The following VSTM4 variants were observed in gnomAD, a reference collection of about 807,000 sequenced individuals.
The protein encoded by VSTM4 is V-set and transmembrane domain containing 4.
VSTM4 carries 20 observed loss-of-function variants against 36.4 expected under a neutral mutation model. The ratio of observed to expected loss-of-function variants is 0.55; its 90% CI spans 0.39 to 0.80. The LOEUF is 0.80. VSTM4 is among the 30% of genes least tolerant of loss of function. The pLI is 0.00. For missense variants in VSTM4, 392 were observed against 404.5 expected (o/e 0.97, Z 0.26); for synonymous variants, 182 against 173.9 (o/e 1.05, Z -0.37).
At chr10:49,047,144 C>A in intron 6 of VSTM4, 100 bp from the exon 7 acceptor site, 1 of 1,206,664 alleles carries the variant, frequency 8.3e-7, no homozygotes, top group Non-Finnish European at 1.2e-6. Flanking sequence ...GGTCTCATAC[C>A]CCTTCCTGGT....
At chr10:49,094,087 A>T (rs1451452662) in intron 2 of VSTM4, among the ~76,000 whole-genome samples, 1 of 152,174 alleles carries the variant, frequency 6.6e-6, no homozygotes, top group Non-Finnish European at 1.5e-5. Flanking sequence ...TGAACGTGAT[A>T]CAGTGGGGTA....
intron 7 of VSTM4, among the ~76,000 whole-genome samples, chr10:49,037,824 A>T (rs745779545): frequency 2.0e-5 from 3 of 152,204 alleles, no homozygotes; most frequent in Admixed American, 6.5e-5. Flanking sequence ...TTCTCCAAAG[A>T]TAGACAAATG....
intron 6 of VSTM4, 55 bp downstream of exon 6, chr10:49,048,423 C>A: frequency 6.7e-7 from 1 of 1,484,768 alleles, no homozygotes; most frequent in Non-Finnish European, 9.1e-7. Flanking sequence ...ACCCCAGACC[C>A]ACAGGGATCA....
chr10:49,100,749 T>C (rs1844651719), intron 2 of VSTM4, among the ~76,000 whole-genome samples: 1 of 152,094 alleles, frequency 6.6e-6, no homozygotes, highest in Non-Finnish European at 1.5e-5. Flanking sequence ...GGTAAGTGGA[T>C]CCTCAAGAGC....
chr10:49,049,265 A>G (rs1187547928), intron 5 of VSTM4, among the ~76,000 whole-genome samples: 5 of 152,226 alleles, frequency 3.3e-5, no homozygotes, highest in East Asian at 1.9e-4. Context: ...TGTGTTAGCC[A>G]TAAGCCAAAG....
At chr10:49,077,469 C>A in intron 3 of VSTM4, 143 bp from the exon 4 acceptor site, 1 of 711,154 alleles carries the variant, frequency 1.4e-6, no homozygotes, top group East Asian at 2.7e-5. Context: ...CAAGGACAGA[C>A]ACAGATCAAT....
intron 7 of VSTM4, among the ~76,000 whole-genome samples, chr10:49,035,103 C>A (rs1183649432): frequency 6.6e-6 from 1 of 152,028 alleles, no homozygotes; most frequent in Non-Finnish European, 1.5e-5. Context: ...ACACCTGGGA[C>A]CAGGGTGGAC....
At chr10:49,080,269 T>G (rs1844255459) in intron 3 of VSTM4, among the ~76,000 whole-genome samples, 1 of 152,130 alleles carries the variant, frequency 6.6e-6, no homozygotes, top group Admixed American at 6.5e-5. Flanking sequence ...CTACTGGGAG[T>G]AGCAGGTGGC....
intron 4 of VSTM4, among the ~76,000 whole-genome samples, chr10:49,070,252 C>CAAAAAAAAA (rs780515012): frequency 4.6e-5 from 1 of 21,724 alleles, no homozygotes; most frequent in Non-Finnish European, 8.1e-5. Context: ...GACTCCGTCT[C>CAAAAAAAAA]AAAAAAAAAA....
intron 5 of VSTM4, among the ~76,000 whole-genome samples, chr10:49,061,257 T>C (rs1352457600): frequency 2.0e-5 from 3 of 152,214 alleles, no homozygotes; most frequent in Non-Finnish European, 4.4e-5. Context: ...TTCTCTATTA[T>C]TTCAATTATT....
At chr10:49,113,992 A>G (rs1844944465) in intron 1 of VSTM4, among the ~76,000 whole-genome samples, 1 of 152,054 alleles carries the variant, frequency 6.6e-6, no homozygotes, top group Non-Finnish European at 1.5e-5. Flanking sequence ...GCAAAAGACA[A>G]TCTCTGGGAC....
At chr10:49,101,013 A>G (rs2132018175) in intron 2 of VSTM4, among the ~76,000 whole-genome samples, 1 of 152,184 alleles carries the variant, frequency 6.6e-6, no homozygotes, top group Admixed American at 6.5e-5. Flanking sequence ...TACCTTATAT[A>G]AAAAAACAGA....
chr10:49,089,967 A>G (rs1022473414), intron 2 of VSTM4, among the ~76,000 whole-genome samples: 2 of 152,236 alleles, frequency 1.3e-5, no homozygotes, highest in Non-Finnish European at 2.9e-5. Flanking sequence ...TCCTCAGCAC[A>G]GCTGTGAGCA....
At chr10:49,092,753 T>C (rs1844498433) in intron 2 of VSTM4, among the ~76,000 whole-genome samples, 1 of 152,020 alleles carries the variant, frequency 6.6e-6, no homozygotes, top group Non-Finnish European at 1.5e-5. Flanking sequence ...GTTGAGAACC[T>C]AGCAAGGCAG....
intron 7 of VSTM4, among the ~76,000 whole-genome samples, chr10:49,026,453 C>T (rs1484162183): frequency 6.6e-6 from 1 of 152,180 alleles, no homozygotes; most frequent in Non-Finnish European, 1.5e-5. Flanking sequence ...TGGACTATGC[C>T]CAGATATCTT....
At chr10:49,021,667 A>G (rs1843183955) in intron 7 of VSTM4, among the ~76,000 whole-genome samples, 1 of 151,976 alleles carries the variant, frequency 6.6e-6, no homozygotes, top group Non-Finnish European at 1.5e-5. Flanking sequence ...CTTAGACATC[A>G]TTTATTTGTC....
chr10:49,038,653 G>A (rs755412524), intron 7 of VSTM4, among the ~76,000 whole-genome samples: 11 of 152,158 alleles, frequency 7.2e-5, no homozygotes, highest in Non-Finnish European at 1.3e-4. Context: ...GGGCTAAGGC[G>A]GGATATCCCA....
At position 49,019,301 on chromosome 10, in the gene VSTM4, T is replaced by C; in HGVS notation, c.*349A>G. On this transcript the variant is annotated 3_prime_UTR_variant, in exon 8 of 8. Coordinates refer to ENST00000332853, the MANE Select transcript of VSTM4 (RefSeq NM_001031746.5). ...ATACAGGAAGAGTAGAGAGTAAAAT[T>C]AAGATTTAAAAACGATTTTAAAGAA... 1 of 167,522 alleles carries C rather than the reference T, an allele frequency of 6.0e-6. No homozygotes were observed. Among genetic ancestry groups the C allele is most frequent in the Non-Finnish European group, 1.3e-5 (1 of 78,684 alleles). The allele number at this position is 167,522 out of a possible 1,614,324, so 10.4% of individuals were successfully genotyped here. A position where few individuals can be genotyped will look rare whatever the true frequency, so the allele number is the denominator to read the frequency against.
chr10:49,028,919 A>T (rs927864391), intron 7 of VSTM4, among the ~76,000 whole-genome samples: 1 of 152,182 alleles, frequency 6.6e-6, no homozygotes, highest in Non-Finnish European at 1.5e-5. Flanking sequence ...CACTATCAGG[A>T]ATCTATTTAC....
Sources: allele counts gnomAD v4.1 joint callset (sites outside exome capture counted in the v4.1 genomes callset), GRCh38; gene constraint gnomAD v4.1.1; transcripts MANE v1.5; gene names NCBI Gene and HGNC (gene_info 2026-07-23, HGNC 2026-07-21).